FDFT1: variants seen among roughly 807,000 people sequenced by gnomAD.
FDFT1 encodes squalene synthase.
A neutral mutation model predicts 46.8 loss-of-function variants in FDFT1; 68 were observed. That is an observed-to-expected ratio of 1.45 (90% CI 1.19 to 1.78). The LOEUF is 1.78. FDFT1 is among the 40% of genes most tolerant of loss of function. The probability of loss-of-function intolerance (pLI) is 0.00; values close to 1 mark genes in which losing one functional copy is unlikely to be tolerated. For missense variants in FDFT1, 928 were observed against 524.4 expected (o/e 1.77, Z -7.52); for synonymous variants, 351 against 185.1 (o/e 1.90, Z -7.28).
chr8:11,809,108 G>T lies in FDFT1; in HGVS notation c.197+217G>T, dbSNP rs538737248. On this transcript the variant is annotated intron_variant, in intron 2 of 7. Transcript: ENST00000220584. Reference sequence around the variant, plus strand: ...TGCGGGCCCAGCCTTTCAGAGAAGAGGGGGGAGGGGGTGATGTTTATTAAC... The same window carrying T: ...TGCGGGCCCAGCCTTTCAGAGAAGATGGGGGAGGGGGTGATGTTTATTAAC... The T allele has an allele frequency of 2.8e-3, 3,580 of 1,277,504 alleles. 7 individuals are homozygous for T. The highest frequency in any genetic ancestry group is 0.011 in the Middle Eastern group (38 of 3,410). 79.1% of individuals were successfully genotyped at this position (1,277,504 alleles called of 1,614,324 possible).
At chr8:11,820,504 C>T (rs1258758033) in intron 3 of FDFT1, among the ~76,000 whole-genome samples, 1 of 152,156 alleles carries the variant, frequency 6.6e-6, no homozygotes, top group African/African-American at 2.4e-5. Flanking sequence ...GTGGGCTCCA[C>T]CCAGTTCAAG....
At chr8:11,835,248 T>A (rs944890266) in intron 7 of FDFT1, among the ~76,000 whole-genome samples, 1 of 152,236 alleles carries the variant, frequency 6.6e-6, no homozygotes. Flanking sequence ...AAGACCTGAA[T>A]AATTGAGTTT....
At position 11,833,010 on chromosome 8, in the gene FDFT1, C is replaced by G. The variant is rs59018266; in HGVS notation, c.1032+1340C>G. On this transcript the variant is annotated intron_variant, in intron 7 of 7. Coordinates refer to ENST00000220584, the MANE Select transcript of FDFT1 (RefSeq NM_004462.5). ...TGATTTCTCTTGCATATTGCACATT[C>G]TTCTTATACTTCCTCCCTACCTTTA... 5.8e-3 allele frequency among the ~76,000 whole-genome samples: 881 copies of G among 152,284 alleles called. 7 individuals are homozygous for G. Among genetic ancestry groups the G allele is most frequent in the African/African-American group, 0.019 (776 of 41,540 alleles).
upstream of FDFT1, among the ~76,000 whole-genome samples, chr8:11,798,581 G>C (rs73545784): frequency 0.026 from 3,932 of 152,336 alleles, 170 homozygotes; most frequent in African/African-American, 0.091. Flanking sequence ...ATGACACCTG[G>C]ATTTTGTGAT....
At chr8:11,821,035 C>G (rs548313653) in intron 3 of FDFT1, among the ~76,000 whole-genome samples, 18 of 152,330 alleles carry the variant, frequency 1.2e-4, no homozygotes, top group Middle Eastern at 3.4e-3. Context: ...GTTTGTTGCC[C>G]TGATGTATAT....
chr8:11,830,469 G>T (rs1355079149), intron 6 of FDFT1, 49 bp downstream of exon 6: 3 of 1,359,258 alleles, frequency 2.2e-6, no homozygotes, highest in East Asian at 2.3e-5. Context: ...AGGGAGTGGG[G>T]TAGGAGTAAG....
At chr8:11,801,900 A>G (rs530322554), upstream of FDFT1, 189 of 450,776 alleles carry the variant, frequency 4.2e-4, 2 homozygotes, top group South Asian at 2.9e-3. Flanking sequence ...CATGTTGGCC[A>G]GGATGGTCTC....
upstream of FDFT1, among the ~76,000 whole-genome samples, chr8:11,800,510 A>G (rs1361892933): frequency 6.6e-6 from 1 of 152,138 alleles, no homozygotes; most frequent in Non-Finnish European, 1.5e-5. Context: ...AGAAGTTTTT[A>G]AAAGAGGCAA....
At chr8:11,823,536 C>T (rs1226338444) in intron 4 of FDFT1, among the ~76,000 whole-genome samples, 2 of 152,044 alleles carry the variant, frequency 1.3e-5, no homozygotes, top group Non-Finnish European at 2.9e-5. Context: ...TGCATTCTTC[C>T]CCCTGATTAG....
chr8:11,805,863 T>A (rs978692706), intron 1 of FDFT1, among the ~76,000 whole-genome samples: 1 of 152,206 alleles, frequency 6.6e-6, no homozygotes, highest in Non-Finnish European at 1.5e-5. Flanking sequence ...TTGCCACAGA[T>A]GTTTCAGTGG....
rs914866975 is a variant in FDFT1, at chr8:11,831,463, A to C, written c.880-55A>C. ...AAGGTTTTCTTACCTTTTTGTGATA[A>C]TGATAGCTAACGACATCATTTCTTC... On this transcript the variant is annotated intron_variant, in intron 6 of 7. Coordinates refer to ENST00000220584, the MANE Select transcript of FDFT1 (RefSeq NM_004462.5). The C allele has an allele frequency of 9.2e-6, 14 of 1,528,046 alleles. No individual in the cohort carries two copies. The Admixed American group carries it at 1.4e-4, about 15-fold the overall frequency. The allele number at this position is 1,528,046 out of a possible 1,614,324, so 94.7% of individuals were successfully genotyped here.
At chr8:11,818,795 G>C (rs1196689018) in intron 3 of FDFT1, among the ~76,000 whole-genome samples, 9 of 152,014 alleles carry the variant, frequency 5.9e-5, no homozygotes, top group African/African-American at 1.5e-4. Flanking sequence ...GACGGGCCTT[G>C]ACTGTTTATC....
chr8:11,799,829 C>G (rs150037866), upstream of FDFT1, among the ~76,000 whole-genome samples: 459 of 151,774 alleles, frequency 3.0e-3, 4 homozygotes, highest in African/African-American at 0.011. Flanking sequence ...GCCTGTAGTT[C>G]CAGCTACTCG....
chr8:11,807,370 C>G (rs1806996063), intron 1 of FDFT1, among the ~76,000 whole-genome samples: 2 of 152,012 alleles, frequency 1.3e-5, no homozygotes, highest in Admixed American at 1.3e-4. Context: ...ACTATGTTGC[C>G]CAGGCTGCCC....
chr8:11,802,713 G>T, upstream of FDFT1: 1 of 780,170 alleles, frequency 1.3e-6, no homozygotes, highest in South Asian at 1.6e-5. Flanking sequence ...CGCCGTACTA[G>T]GCCTGCCCCC....
upstream of FDFT1, among the ~76,000 whole-genome samples, chr8:11,799,718 C>T (rs985589120): frequency 2.6e-5 from 4 of 151,518 alleles, no homozygotes; most frequent in South Asian, 2.1e-4. Context: ...GAGGCTGAGG[C>T]GGGCGGATCA....
At chr8:11,833,353 C>T (rs1811119543) in intron 7 of FDFT1, among the ~76,000 whole-genome samples, 1 of 152,190 alleles carries the variant, frequency 6.6e-6, no homozygotes, top group Non-Finnish European at 1.5e-5. Flanking sequence ...ATGATGTTAA[C>T]CCCAATTCTA....
chr8:11,838,134 G>A (rs184685550), intron 7 of FDFT1, among the ~76,000 whole-genome samples: 2 of 152,112 alleles, frequency 1.3e-5, no homozygotes, highest in Non-Finnish European at 2.9e-5. Flanking sequence ...CGCTGCTCTC[G>A]AGGGCCTCTG....
chr8:11,799,428 T>G (rs555054593), upstream of FDFT1, among the ~76,000 whole-genome samples: 1 of 152,218 alleles, frequency 6.6e-6, no homozygotes, highest in Non-Finnish European at 1.5e-5. Flanking sequence ...AGTTGATTCT[T>G]CAAGTGTAGG....
Sources: allele counts gnomAD v4.1 joint callset (sites outside exome capture counted in the v4.1 genomes callset), GRCh38; gene constraint gnomAD v4.1.1; transcripts MANE v1.5; gene names NCBI Gene and HGNC (gene_info 2026-07-23, HGNC 2026-07-21).